The following NRXN3 variants were observed in gnomAD, a reference collection of about 807,000 sequenced individuals.
NRXN3 encodes neurexin 3.
NRXN3 carries 32 observed loss-of-function variants against 137.6 expected under a neutral mutation model. The ratio of observed to expected loss-of-function variants is 0.23; its 90% CI spans 0.18 to 0.31. The LOEUF is 0.31. Ranked by LOEUF, NRXN3 falls within the 10% of genes least tolerant of loss-of-function variation. The pLI is 1.00. For missense variants in NRXN3, 1,574 were observed against 2,062.5 expected, an observed-to-expected ratio of 0.76 and a Z score of 4.59; for synonymous variants, 798 against 784.5, an observed-to-expected ratio of 1.02 and a Z score of -0.29.
At chr14:79,051,146 C>G (rs549812828) in intron 15 of NRXN3, among the ~76,000 whole-genome samples, 1 of 152,084 alleles carries the variant, frequency 6.6e-6, no homozygotes, top group Non-Finnish European at 1.5e-5. Flanking sequence ...AAGGTTGGTT[C>G]TAGCAGCCAC....
At chr14:78,227,909 A>G (rs1012773438) in intron 1 of NRXN3, among the ~76,000 whole-genome samples, 10 of 152,272 alleles carry the variant, frequency 6.6e-5, no homozygotes, top group African/African-American at 2.4e-4. Context: ...TCTCATGGCA[A>G]AGGAGCAAGA....
At chr14:79,314,223 C>T (rs1428946646) in intron 15 of NRXN3, 5 of 136,152 alleles carry the variant, frequency 3.7e-5, no homozygotes, top group South Asian at 5.2e-4. Flanking sequence ...GTGCGCGAGC[C>T]GAAGCAGGGC....
chr14:79,351,862 T>C (rs1445016552), intron 15 of NRXN3, among the ~76,000 whole-genome samples: 2 of 152,218 alleles, frequency 1.3e-5, no homozygotes, highest in Non-Finnish European at 1.5e-5. Context: ...AGCTGGGCAG[T>C]ATTTATATCA....
rs58492725 is a variant in NRXN3, at chr14:79,819,482, C to CTTTTTTTTTTTTTTTTTT, written c.4093+14295_4093+14312dup. ...ATAGGATACAACAGGACATTAAAAG[C>CTTTTTTTTTTTTTTTTTT]TTTTTTTTTTTTTTTTTTTTGAGAC... On this transcript the variant is annotated intron_variant, in intron 20 of 20. Transcript: ENST00000335750. Among the ~76,000 whole-genome samples, 5 of 71,908 alleles carry CTTTTTTTTTTTTTTTTTT rather than the reference C, an allele frequency of 7.0e-5. 2 individuals are homozygous for CTTTTTTTTTTTTTTTTTT. The highest frequency in any genetic ancestry group is 2.6e-4 in the African/African-American group (4 of 15,634). 47.2% of individuals were successfully genotyped at this position (71,908 alleles called of 152,430 possible).
chr14:79,848,607 A>T lies in NRXN3; in HGVS notation c.4094-12735A>T, dbSNP rs145813340. 4.0e-3 allele frequency among the ~76,000 whole-genome samples: 602 copies of T among 152,236 alleles called. 1 individual carries two copies. The highest frequency in any genetic ancestry group is 0.014 in the African/African-American group (565 of 41,548). On this transcript the variant is annotated intron_variant, in intron 20 of 20. Coordinates refer to ENST00000335750, the MANE Select transcript of NRXN3 (RefSeq NM_001330195.2). ...TTATAGGTAATATATTTTACAACAT[A>T]AAAAAATCATCTGTGTACCAGTCAG...
At chr14:79,105,003 C>T (rs370418582) in intron 15 of NRXN3, among the ~76,000 whole-genome samples, 15 of 152,190 alleles carry the variant, frequency 9.9e-5, no homozygotes, top group Admixed American at 1.3e-4. Context: ...GGCCCAGTTG[C>T]TCCTTTGGCC....
intron 15 of NRXN3, among the ~76,000 whole-genome samples, chr14:79,043,116 T>G (rs1195170749): frequency 1.3e-5 from 2 of 152,124 alleles, no homozygotes; most frequent in African/African-American, 4.8e-5. Context: ...AAATAGGAAT[T>G]AAAGAAAATG....
At chr14:78,996,990 C>T (rs1323361187) in intron 15 of NRXN3, among the ~76,000 whole-genome samples, 1 of 152,104 alleles carries the variant, frequency 6.6e-6, no homozygotes, top group Non-Finnish European at 1.5e-5. Context: ...ATGGGAATCA[C>T]ACTTGCTTTT....
In NRXN3 at chr14:78,706,019, G is replaced by A. The variant is rs115980825; in HGVS notation, c.1222-3198G>A. Among the ~76,000 whole-genome samples, 1,229 of 152,190 alleles carry A rather than the reference G, an allele frequency of 8.1e-3. 16 individuals carry two copies. The highest frequency in any genetic ancestry group is 0.028 in the African/African-American group (1,163 of 41,510). On this transcript the variant is annotated intron_variant, in intron 6 of 20. Coordinates refer to ENST00000335750, the MANE Select transcript of NRXN3 (RefSeq NM_001330195.2). Reference sequence around the variant, plus strand: ...AGAAGAGTTCCTCTTCACTGCTCTTGTATCTTGTTAAAAGGCTTTTTTTTC... The same window carrying A: ...AGAAGAGTTCCTCTTCACTGCTCTTATATCTTGTTAAAAGGCTTTTTTTTC...
At chr14:78,346,518 C>T (rs1275573070) in intron 4 of NRXN3, among the ~76,000 whole-genome samples, 1 of 152,142 alleles carries the variant, frequency 6.6e-6, no homozygotes, top group Non-Finnish European at 1.5e-5. Context: ...GGTATTAGGG[C>T]CCCCATTTTC....
intron 10 of NRXN3, among the ~76,000 whole-genome samples, chr14:78,860,825 C>T (rs933920697): frequency 6.6e-6 from 1 of 151,938 alleles, no homozygotes; most frequent in African/African-American, 2.4e-5. Context: ...GTTAGTCTTG[C>T]TGTCTCAGGC....
intron 15 of NRXN3, among the ~76,000 whole-genome samples, chr14:79,081,088 G>A (rs1338774996): frequency 1.3e-5 from 2 of 151,988 alleles, no homozygotes; most frequent in Non-Finnish European, 2.9e-5. Context: ...TAAGTATTTT[G>A]CGTCTATTAT....
chr14:79,007,754 C>T (rs990843128), intron 15 of NRXN3, among the ~76,000 whole-genome samples: 5 of 138,104 alleles, frequency 3.6e-5, no homozygotes, highest in African/African-American at 1.4e-4. Context: ...TGCAGTGAGC[C>T]GAGATCATGC....
At chr14:78,264,803 A>G (rs569841132) in intron 2 of NRXN3, among the ~76,000 whole-genome samples, 1 of 152,336 alleles carries the variant, frequency 6.6e-6, no homozygotes, top group Admixed American at 6.5e-5. Flanking sequence ...AGTACAGCAG[A>G]TAGATTAGAG....
intron 20 of NRXN3, among the ~76,000 whole-genome samples, chr14:79,824,920 A>T (rs1445566877): frequency 2.0e-5 from 3 of 152,228 alleles, no homozygotes. Flanking sequence ...ACATCTATGC[A>T]TAGTCCAGAA....
chr14:78,405,362 T>C (rs187911175), intron 4 of NRXN3, among the ~76,000 whole-genome samples: 24 of 152,326 alleles, frequency 1.6e-4, no homozygotes, highest in Admixed American at 1.4e-3. Context: ...GCTGGGCTGC[T>C]CTGTCATAGC....
rs139431508 is a variant in NRXN3, at chr14:79,435,102, C to T, written c.3263-32119C>T. Reference sequence around the variant, plus strand: ...AAAATTGTGGAGCTCAGAGCCACAACGGGCTTCTGATCTTCCACAGGCTGC... The same window carrying T: ...AAAATTGTGGAGCTCAGAGCCACAATGGGCTTCTGATCTTCCACAGGCTGC... On this transcript the variant is annotated intron_variant, in intron 15 of 20. Coordinates refer to ENST00000335750, the MANE Select transcript of NRXN3 (RefSeq NM_001330195.2). Among the ~76,000 whole-genome samples the T allele has an allele frequency of 7.0e-3, 1,069 of 152,256 alleles. 36 individuals are homozygous for T. Among genetic ancestry groups the T allele is most frequent in the Admixed American group, 0.051 (788 of 15,302 alleles).
intron 10 of NRXN3, among the ~76,000 whole-genome samples, chr14:78,839,175 C>T (rs2099005271): frequency 6.6e-6 from 1 of 152,142 alleles, no homozygotes; most frequent in South Asian, 2.1e-4. Flanking sequence ...AGAAGAGCTG[C>T]TCTATTCTGG....
intron 8 of NRXN3, among the ~76,000 whole-genome samples, chr14:78,732,829 AG>A (rs1259768126): frequency 1.3e-5 from 2 of 152,142 alleles, no homozygotes; most frequent in Non-Finnish European, 2.9e-5. Flanking sequence ...AATATAATGG[AG>A]GGAGGCCAGA....
Sources: allele counts gnomAD v4.1 joint callset (sites outside exome capture counted in the v4.1 genomes callset), GRCh38; gene constraint gnomAD v4.1.1; transcripts MANE v1.5; gene names NCBI Gene and HGNC (gene_info 2026-07-23, HGNC 2026-07-21).